The following ARFIP1 variants were observed in gnomAD, a reference collection of about 807,000 sequenced individuals.
ARFIP1 encodes the protein ARF interacting protein 1.
In ARFIP1, 24 loss-of-function variants were observed where a neutral mutation model predicts 42.5. That is an observed-to-expected ratio of 0.57 (90% CI 0.41 to 0.80). The LOEUF (loss-of-function observed/expected upper bound fraction) is 0.80. ARFIP1 is among the 30% of genes least tolerant of loss of function. The pLI, the probability that ARFIP1 is intolerant of heterozygous loss-of-function variation, is 0.00. For synonymous variants in ARFIP1, 141 were observed against 153.7 expected, an observed-to-expected ratio of 0.92 and a Z score of 0.61; for missense variants, 354 against 434.0, an observed-to-expected ratio of 0.82 and a Z score of 1.64.
chr4:152,877,636 G>T (rs1735474016), intron 5 of ARFIP1, among the ~76,000 whole-genome samples: 1 of 152,022 alleles, frequency 6.6e-6, no homozygotes, highest in Non-Finnish European at 1.5e-5. Context: ...ATTTGAAGGG[G>T]CCAGGGGTGG....
chr4:152,829,842 A>G (rs1006559309), intron 2 of ARFIP1, 116 bp downstream of exon 2: 4 of 795,574 alleles, frequency 5.0e-6, no homozygotes, highest in Non-Finnish European at 7.5e-6. Flanking sequence ...GGCTTCAGTC[A>G]GGAATCTAAT....
At chr4:152,815,418 A>C (rs1464351821) in intron 1 of ARFIP1, among the ~76,000 whole-genome samples, 1 of 152,228 alleles carries the variant, frequency 6.6e-6, no homozygotes, top group Non-Finnish European at 1.5e-5. Flanking sequence ...GCATTTACAC[A>C]CTGATGTCTT....
At chr4:152,895,491 A>C (rs1737232004) in intron 8 of ARFIP1, among the ~76,000 whole-genome samples, 1 of 146,620 alleles carries the variant, frequency 6.8e-6, no homozygotes, top group Non-Finnish European at 1.5e-5. Flanking sequence ...GCCATAAATG[A>C]TCCTCCTACC....
chr4:152,844,971 T>C (rs1225668055), intron 2 of ARFIP1, among the ~76,000 whole-genome samples: 2 of 152,122 alleles, frequency 1.3e-5, no homozygotes, highest in African/African-American at 4.8e-5. Context: ...ACTATAAGGC[T>C]ATAGTAACCA....
intron 8 of ARFIP1, among the ~76,000 whole-genome samples, chr4:152,898,695 G>A (rs1737564774): frequency 6.6e-6 from 1 of 151,988 alleles, no homozygotes; most frequent in Non-Finnish European, 1.5e-5. Flanking sequence ...TGTTAGTGTG[G>A]GCTCAAAGTA....
At position 152,905,545 on chromosome 4, in the gene ARFIP1, G is replaced by GTTTTTTT. The variant is rs59608457; in HGVS notation, c.967-4500_967-4494dup. 5.3e-3 allele frequency among the ~76,000 whole-genome samples: 160 copies of GTTTTTTT among 30,376 alleles called. 45 individuals are homozygous for GTTTTTTT. The highest frequency in any genetic ancestry group is 0.016 in the African/African-American group (125 of 8,048). 19.9% of individuals were successfully genotyped at this position (30,376 alleles called of 152,430 possible). ...TTATTCTTACTGAATTGTAAGAATT[G>GTTTTTTT]TTTTTTTTTTTTTTTTTTTTTTTTT... On this transcript the variant is annotated intron_variant, in intron 8 of 8. Coordinates refer to ENST00000353617, the MANE Select transcript of ARFIP1 (RefSeq NM_001025595.3).
intron 5 of ARFIP1, among the ~76,000 whole-genome samples, chr4:152,879,971 G>A (rs1450286242): frequency 2.0e-5 from 3 of 152,118 alleles, no homozygotes; most frequent in Non-Finnish European, 4.4e-5. Context: ...ATGTATTATC[G>A]AATGAAGTTG....
intron 5 of ARFIP1, among the ~76,000 whole-genome samples, chr4:152,877,750 A>T (rs1422011590): frequency 6.6e-6 from 1 of 152,130 alleles, no homozygotes. Context: ...TAATTGAATC[A>T]TGGGGGCCGG....
At chr4:152,895,561 T>C (rs1397688259) in intron 8 of ARFIP1, among the ~76,000 whole-genome samples, 1 of 141,436 alleles carries the variant, frequency 7.1e-6, no homozygotes, top group Non-Finnish European at 1.5e-5. Flanking sequence ...CTTTTTTTTT[T>C]TTTTTTTTTT....
chr4:152,896,922 AAT>A (rs1737387193), intron 8 of ARFIP1, among the ~76,000 whole-genome samples: 3 of 152,226 alleles, frequency 2.0e-5, no homozygotes, highest in African/African-American at 7.2e-5. Flanking sequence ...GTTAACTTAG[AAT>A]GTGAGTTCTG....
At chr4:152,854,152 A>T (rs1015297462) in intron 2 of ARFIP1, among the ~76,000 whole-genome samples, 1 of 151,950 alleles carries the variant, frequency 6.6e-6, no homozygotes, top group Non-Finnish European at 1.5e-5. Context: ...ACCTCAGGTG[A>T]TCCACCTGCC....
intron 2 of ARFIP1, among the ~76,000 whole-genome samples, chr4:152,863,002 T>C (rs1388953897): frequency 6.6e-6 from 1 of 152,204 alleles, no homozygotes; most frequent in Admixed American, 6.5e-5. Flanking sequence ...TTTTTATACT[T>C]TTTAAGCTCT....
chr4:152,863,562 G>A (rs768964016), intron 2 of ARFIP1, 44 bp from the exon 3 acceptor site: 1 of 1,125,324 alleles, frequency 8.9e-7, no homozygotes, highest in South Asian at 1.3e-5. Flanking sequence ...ACGTCATGTG[G>A]GATTTTTTTA....
intron 1 of ARFIP1, among the ~76,000 whole-genome samples, chr4:152,821,756 AC>A (rs1481213243): frequency 6.6e-6 from 1 of 152,192 alleles, no homozygotes; most frequent in African/African-American, 2.4e-5. Flanking sequence ...GCATCAGGTA[AC>A]CTATAAAGAA....
At position 152,882,967 on chromosome 4, in the gene ARFIP1, C is replaced by T; in HGVS notation, c.791+87C>T. 1.2e-5 allele frequency: 17 copies of T among 1,397,384 alleles called. No individual in the cohort carries two copies. In the South Asian group the frequency reaches 2.1e-4, roughly 17 times the overall value. 86.6% of individuals were successfully genotyped at this position (1,397,384 alleles called of 1,614,324 possible). Reference sequence around the variant, plus strand: ...TTTGGTTACAAACAACAGAAACCAACTCTGGCCAATATGGGCAGGAAAAAA... The same window carrying T: ...TTTGGTTACAAACAACAGAAACCAATTCTGGCCAATATGGGCAGGAAAAAA... On this transcript the variant is annotated intron_variant, in intron 7 of 8. Coordinates refer to ENST00000353617, the MANE Select transcript of ARFIP1 (RefSeq NM_001025595.3).
chr4:152,833,834 C>A (rs962531870), intron 2 of ARFIP1, among the ~76,000 whole-genome samples: 4 of 152,134 alleles, frequency 2.6e-5, no homozygotes, highest in African/African-American at 7.2e-5. Flanking sequence ...AAGTTGAATT[C>A]ATAGAAACAG....
chr4:152,862,185 C>A (rs867317981), intron 2 of ARFIP1, among the ~76,000 whole-genome samples: 1 of 152,160 alleles, frequency 6.6e-6, no homozygotes, highest in South Asian at 2.1e-4. Context: ...GTGCTACCCA[C>A]CCTCTTCCCT....
chr4:152,907,195 G>A (rs1234722870), intron 8 of ARFIP1, among the ~76,000 whole-genome samples: 1 of 152,152 alleles, frequency 6.6e-6, no homozygotes, highest in Admixed American at 6.5e-5. Context: ...ACACATAACA[G>A]TATGACCCTG....
At chr4:152,828,602 C>A (rs1731023529) in intron 1 of ARFIP1, among the ~76,000 whole-genome samples, 1 of 152,060 alleles carries the variant, frequency 6.6e-6, no homozygotes, top group African/African-American at 2.4e-5. Flanking sequence ...ATTAAGAATT[C>A]TTTGTATATT....
Sources: allele counts gnomAD v4.1 joint callset (sites outside exome capture counted in the v4.1 genomes callset), GRCh38; gene constraint gnomAD v4.1.1; transcripts MANE v1.5; gene names NCBI Gene and HGNC (gene_info 2026-07-23, HGNC 2026-07-21).